MYL9: variants seen among roughly 807,000 people sequenced by gnomAD.
The protein encoded by MYL9 is myosin regulatory light polypeptide 9.
MYL9 carries 7 observed loss-of-function variants against 12.8 expected under a neutral mutation model. The ratio of observed to expected loss-of-function variants is 0.55; its 90% CI spans 0.31 to 1.03. The LOEUF is 1.03. MYL9 is among the 50% of genes least tolerant of loss of function. The probability of loss-of-function intolerance (pLI) is 0.05; values close to 1 mark genes in which losing one functional copy is unlikely to be tolerated. For synonymous variants in MYL9, 81 were observed against 87.8 expected (o/e 0.92, Z 0.43); for missense variants, 190 against 242.7 (o/e 0.78, Z 1.44).
At chr20:36,546,381 CAG>C (rs1362788636) in intron 2 of MYL9, among the ~76,000 whole-genome samples, 7 of 152,302 alleles carry the variant, frequency 4.6e-5, no homozygotes, top group South Asian at 4.1e-4. Flanking sequence ...GCTTTGAGGC[CAG>C]AGAGTCAGTC....
chr20:36,545,018 G>C lies in MYL9; in HGVS notation c.134G>C (p.Arg45Pro). ...KEAFNMIDQN[R>P]DGFIDKEDLH... is the part of the protein sequence containing the mutation. ...GCTTTCAACATGATTGACCAGAACC[G>C]TGATGGCTTCATTGACAAGGAGGAC... is the stretch of plus-strand genomic sequence containing the variant. Residue 45 changes from arginine to proline, a missense_variant, in exon 2 of 4, where the codon CGT (arginine) becomes CCT (proline). Arg to Pro is a moderately radical substitution (Grantham distance 103). Coordinates refer to ENST00000279022, the MANE Select transcript of MYL9 (RefSeq NM_006097.5). 6.2e-7 allele frequency: 1 copy of C among 1,614,170 alleles called. No individual in the cohort carries two copies. Among genetic ancestry groups the C allele is most frequent in the Non-Finnish European group, 8.5e-7 (1 of 1,180,030 alleles).
chr20:36,548,233 A>G, intron 3 of MYL9, 40 bp downstream of exon 3: 2 of 1,569,622 alleles, frequency 1.3e-6, no homozygotes, highest in Non-Finnish European at 1.7e-6. Flanking sequence ...ATGCAAGTGG[A>G]ACAGGGCCCA....
At position 36,549,370 on chromosome 20, in the gene MYL9, C is replaced by T; in HGVS notation, c.*121C>T. ...GATCCCCCTTTGAGGGGTTAGGGTC[C>T]CAGTTCCCAGTGGAAGAAACAGGCC... On this transcript the variant is annotated 3_prime_UTR_variant, in exon 4 of 4. Coordinates refer to ENST00000279022, the MANE Select transcript of MYL9 (RefSeq NM_006097.5). The T allele has an allele frequency of 3.5e-6, 3 of 868,638 alleles. No homozygotes were observed. Among genetic ancestry groups the T allele is most frequent in the South Asian group, 3.5e-5 (2 of 56,768 alleles). 53.8% of individuals were successfully genotyped at this position (868,638 alleles called of 1,614,324 possible). A position where few individuals can be genotyped will look rare whatever the true frequency, so the allele number is the denominator to read the frequency against.
chr20:36,547,978 C>A, intron 2 of MYL9, 54 bp from the exon 3 acceptor site: 1 of 1,533,242 alleles, frequency 6.5e-7, no homozygotes, highest in Non-Finnish European at 8.8e-7. Flanking sequence ...CAAGTTGTCC[C>A]AGCTGGGGAC....
chr20:36,546,914 C>T (rs2038107609), intron 2 of MYL9, among the ~76,000 whole-genome samples: 1 of 152,178 alleles, frequency 6.6e-6, no homozygotes, highest in South Asian at 2.1e-4. Flanking sequence ...GGGTTCTTAT[C>T]TGGGGCTTTC....
intron 2 of MYL9, among the ~76,000 whole-genome samples, chr20:36,545,776 A>G (rs1372516099): frequency 3.3e-5 from 5 of 151,702 alleles, no homozygotes; most frequent in Admixed American, 6.6e-5. Flanking sequence ...TAAAAATACA[A>G]AAATTAGCTG....
At chr20:36,543,063 G>A (rs1052673222) in intron 1 of MYL9, among the ~76,000 whole-genome samples, 5 of 152,232 alleles carry the variant, frequency 3.3e-5, no homozygotes, top group African/African-American at 1.2e-4. Context: ...CAAAGTTCCC[G>A]AGAACACTGG....
chr20:36,543,058 T>C (rs1218939016), intron 1 of MYL9, among the ~76,000 whole-genome samples: 1 of 152,110 alleles, frequency 6.6e-6, no homozygotes, highest in Non-Finnish European at 1.5e-5. Context: ...GGAGTCAAAG[T>C]TCCCGAGAAC....
intron 1 of MYL9, among the ~76,000 whole-genome samples, chr20:36,544,328 C>T (rs1184928519): frequency 3.3e-5 from 5 of 152,080 alleles, no homozygotes; most frequent in South Asian, 2.1e-4. Flanking sequence ...GAGTGAGGAA[C>T]GGCAGGAATG....
chr20:36,548,131 AC>A lies in MYL9; in HGVS notation c.285del (p.Asn95LysfsTer8). 6.2e-7 allele frequency: 1 copy of A among 1,613,974 alleles called. No homozygotes were observed. Among genetic ancestry groups the A allele is most frequent in the Admixed American group, 1.7e-5 (1 of 60,004 alleles). On this transcript the variant is annotated frameshift_variant, in exon 3 of 4. Coordinates refer to ENST00000279022, the MANE Select transcript of MYL9 (RefSeq NM_006097.5). LOFTEE classifies it high-confidence loss of function. ...MFLTMFGEKL[N>X]GTDPEDVIRN... Reference sequence around the variant, plus strand: ...CTCACCATGTTTGGGGAGAAGCTGAACGGCACGGACCCCGAGGATGTGATTC... The same window carrying A: ...CTCACCATGTTTGGGGAGAAGCTGAAGGCACGGACCCCGAGGATGTGATTC...
chr20:36,545,168 C>A, intron 2 of MYL9, 100 bp downstream of exon 2: 1 of 1,337,914 alleles, frequency 7.5e-7, no homozygotes, highest in Non-Finnish European at 1.0e-6. Flanking sequence ...GTGGTGTCCA[C>A]CTTAGAGAAT....
At chr20:36,541,946 C>A (rs907613410) in intron 1 of MYL9, among the ~76,000 whole-genome samples, 7 of 152,062 alleles carry the variant, frequency 4.6e-5, no homozygotes, top group Admixed American at 6.5e-5. Flanking sequence ...CGTCAGTTCC[C>A]CCTGGCCCAG....
Position 36,549,138 on chromosome 20 carries a change from T to C in MYL9, c.408T>C (p.Asp136=), listed in dbSNP as rs1258676527. The change falls in exon 4 of 4, where the codon GAT becomes GAC. Residue 136 remains aspartate, a synonymous_variant. Coordinates refer to ENST00000279022, the MANE Select transcript of MYL9 (RefSeq NM_006097.5). ...CCACCATGGGTGACCGCTTCACAGA[T>C]GAGGAAGTGGACGAGATGTACCGGG... is the stretch of plus-strand genomic sequence containing the variant. ...LLTTMGDRFT[D]EEVDEMYREA... 4 of 1,613,640 alleles carry C rather than the reference T, an allele frequency of 2.5e-6. No homozygotes were observed. The African/African-American group carries it at 5.3e-5, about 22-fold the overall frequency.
At chr20:36,546,807 G>T (rs2038106185) in intron 2 of MYL9, among the ~76,000 whole-genome samples, 1 of 152,028 alleles carries the variant, frequency 6.6e-6, no homozygotes, top group Admixed American at 6.6e-5. Flanking sequence ...ACAGGGTTTC[G>T]CCATGTTGGC....
chr20:36,543,680 T>C (rs1286787530), intron 1 of MYL9, among the ~76,000 whole-genome samples: 1 of 152,230 alleles, frequency 6.6e-6, no homozygotes, highest in East Asian at 1.9e-4. Context: ...AAGCATCTGT[T>C]AGCCCAACTA....
At position 36,548,135 on chromosome 20, in the gene MYL9, C is replaced by A. The variant is rs371942211; in HGVS notation, c.288C>A (p.Gly96=). 2.5e-6 allele frequency: 4 copies of A among 1,614,008 alleles called. No individual in the cohort carries two copies. The highest frequency in any genetic ancestry group is 3.4e-6 in the Non-Finnish European group (4 of 1,179,880). ...CCATGTTTGGGGAGAAGCTGAACGGCACGGACCCCGAGGATGTGATTCGCA... is the reference window on the plus strand; with the variant it reads ...CCATGTTTGGGGAGAAGCTGAACGGAACGGACCCCGAGGATGTGATTCGCA... ...FLTMFGEKLN[G]TDPEDVIRNA... is the part of the protein sequence containing the mutation. Residue 96 remains glycine, a synonymous_variant, in exon 3 of 4, where the codon GGC becomes GGA. Coordinates refer to ENST00000279022, the MANE Select transcript of MYL9 (RefSeq NM_006097.5).
At chr20:36,547,793 A>G (rs1011360688) in intron 2 of MYL9, among the ~76,000 whole-genome samples, 3 of 152,222 alleles carry the variant, frequency 2.0e-5, no homozygotes, top group African/African-American at 7.2e-5. Flanking sequence ...ATTACACTTT[A>G]GTGAGCACTG....
rs755831091 is a variant in MYL9 at position 36,544,883 on chromosome 20, A to C, written c.-2A>C. On this transcript the variant is annotated 5_prime_UTR_variant, in exon 2 of 4. Transcript: ENST00000279022. ...GGGAAGCCCCACCCACCAGAAGCCA[A>C]GATGTCCAGCAAGCGGGCCAAAGCC... 1.2e-6 allele frequency: 2 copies of C among 1,612,328 alleles called. No individual in the cohort carries two copies. The highest frequency in any genetic ancestry group is 1.7e-5 in the Admixed American group (1 of 59,612).
Position 36,541,565 on chromosome 20 carries a change from G to C in MYL9, c.-27+4G>C. 1 of 152,928 alleles carries C rather than the reference G, an allele frequency of 6.5e-6. No homozygotes were observed. The highest frequency in any genetic ancestry group is 1.5e-5 in the Non-Finnish European group (1 of 68,494). The allele number at this position is 152,928 out of a possible 1,614,324, so 9.5% of individuals were successfully genotyped here. On this transcript the variant is annotated splice_donor_region_variant and intron_variant, in intron 1 of 3. Coordinates refer to ENST00000279022, the MANE Select transcript of MYL9 (RefSeq NM_006097.5). ...CCAAGCGCCTTCTCCGCACCAGGTGGGATCCGGGGCCCCGGGGGTCTTGAG... is the reference window on the plus strand; with the variant it reads ...CCAAGCGCCTTCTCCGCACCAGGTGCGATCCGGGGCCCCGGGGGTCTTGAG...
Sources: gnomAD v4.1 joint callset for allele counts (sites outside exome capture counted in the v4.1 genomes callset) on GRCh38, gnomAD v4.1.1 for gene constraint, MANE v1.5 for transcripts, NCBI Gene and HGNC (gene_info 2026-07-23, HGNC 2026-07-21) for gene names.